ADGRG6: variants seen among roughly 807,000 people sequenced by gnomAD.
The protein encoded by ADGRG6 is adhesion G protein-coupled receptor G6.
A neutral mutation model predicts 142.4 loss-of-function variants in ADGRG6; 84 were observed. The ratio of observed to expected loss-of-function variants is 0.59; its 90% CI spans 0.49 to 0.71. The LOEUF (loss-of-function observed/expected upper bound fraction) is 0.71. ADGRG6 is among the 30% of genes least tolerant of loss of function. ADGRG6 has a pLI of 0.00. For synonymous variants in ADGRG6, 521 were observed against 520.5 expected (o/e 1.00, Z -0.01); for missense variants, 1,367 against 1,466.6 (o/e 0.93, Z 1.11).
intron 2 of ADGRG6, among the ~76,000 whole-genome samples, chr6:142,324,052 C>A (rs182457577): frequency 2.0e-5 from 3 of 152,202 alleles, no homozygotes; most frequent in Non-Finnish European, 4.4e-5. Flanking sequence ...CTCTTCCCTC[C>A]AGACTTCTTT....
At chr6:142,319,179 A>G (rs1378891424) in intron 2 of ADGRG6, among the ~76,000 whole-genome samples, 1 of 152,118 alleles carries the variant, frequency 6.6e-6, no homozygotes, top group East Asian at 1.9e-4. Context: ...AAACCTGGAG[A>G]TAGTAATAGC....
At chr6:142,364,152 G>A (rs990227871) in intron 2 of ADGRG6, among the ~76,000 whole-genome samples, 1 of 152,044 alleles carries the variant, frequency 6.6e-6, no homozygotes, top group East Asian at 1.9e-4. Flanking sequence ...AAAGATAGAG[G>A]TGGTAATAAT....
intron 20 of ADGRG6, 72 bp downstream of exon 20, chr6:142,416,136 C>G (rs1161051236): frequency 4.4e-6 from 5 of 1,143,462 alleles, no homozygotes; most frequent in Non-Finnish European, 6.2e-6. Context: ...AGGAAAAAAT[C>G]TTATTTAAAA....
At chr6:142,442,993 A>T (rs1254148466) in intron 24 of ADGRG6, among the ~76,000 whole-genome samples, 3 of 152,132 alleles carry the variant, frequency 2.0e-5, no homozygotes, top group Non-Finnish European at 4.4e-5. Flanking sequence ...AGCACATTCT[A>T]ATTCCTTATA....
At chr6:142,390,580 G>T (rs931620568) in intron 7 of ADGRG6, among the ~76,000 whole-genome samples, 7 of 151,810 alleles carry the variant, frequency 4.6e-5, no homozygotes, top group Admixed American at 2.6e-4. Context: ...GAAAAGTATC[G>T]CACAAATGGA....
At chr6:142,415,135 G>A (rs1389605820) in intron 19 of ADGRG6, 39 bp downstream of exon 19, 1 of 1,549,376 alleles carries the variant, frequency 6.5e-7, no homozygotes, top group South Asian at 1.2e-5. Context: ...ATTGCTAACT[G>A]TTCCAAATGT....
chr6:142,319,327 A>G (rs142812350), intron 2 of ADGRG6, among the ~76,000 whole-genome samples: 1 of 152,254 alleles, frequency 6.6e-6, no homozygotes, highest in East Asian at 1.9e-4. Context: ...TCCACTGGGT[A>G]TATTGTAAGA....
intron 6 of ADGRG6, among the ~76,000 whole-genome samples, chr6:142,384,166 T>A (rs907649361): frequency 3.3e-5 from 5 of 152,086 alleles, no homozygotes; most frequent in Non-Finnish European, 5.9e-5. Context: ...AAAAACGTAT[T>A]TCCATGGTAT....
chr6:142,413,067 T>C (rs962554), intron 18 of ADGRG6, among the ~76,000 whole-genome samples: 59,939 of 151,468 alleles, frequency 0.4, 13,531 homozygotes, highest in African/African-American at 0.62. Context: ...ATCATTCATG[T>C]TCTCTTTCCA....
chr6:142,389,967 TAAGAA>T (rs1774800052), intron 6 of ADGRG6, among the ~76,000 whole-genome samples: 1 of 151,792 alleles, frequency 6.6e-6, no homozygotes, highest in Non-Finnish European at 1.5e-5. Context: ...ACAGTAGATA[TAAGAA>T]ATCTATAGAA....
intron 12 of ADGRG6, 104 bp from the exon 13 acceptor site, chr6:142,402,516 T>G (rs1360085981): frequency 1.6e-6 from 1 of 642,162 alleles, no homozygotes; most frequent in African/African-American, 1.8e-5. Context: ...CTCACTTTCT[T>G]GCTTCAACTG....
chr6:142,440,839 TATC>T, intron 24 of ADGRG6: 1 of 787,588 alleles, frequency 1.3e-6, no homozygotes, highest in Non-Finnish European at 2.1e-6. Context: ...CGTCACTGCA[TATC>T]ATCATGGATA....
intron 2 of ADGRG6, among the ~76,000 whole-genome samples, chr6:142,358,336 A>G (rs977386736): frequency 1.3e-5 from 2 of 152,174 alleles, no homozygotes; most frequent in Admixed American, 1.3e-4. Context: ...TCAAAATGAG[A>G]CAAATTTTTG....
chr6:142,390,228 T>C lies in ADGRG6; in HGVS notation c.1223-30T>C. On this transcript the variant is annotated intron_variant, in intron 6 of 24. Transcript: ENST00000367609. ...AATTATATAACTATAAACATATAAT[T>C]AATGGACTAATCCTATTTCCAATGG... The C allele has an allele frequency of 2.7e-6, 3 of 1,091,114 alleles. No homozygotes were observed. The East Asian group carries it at 7.3e-5, about 26-fold the overall frequency. 67.6% of individuals were successfully genotyped at this position (1,091,114 alleles called of 1,614,324 possible). A position where few individuals can be genotyped will look rare whatever the true frequency, so the allele number is the denominator to read the frequency against.
At chr6:142,310,486 A>G (rs1261354986) in intron 2 of ADGRG6, among the ~76,000 whole-genome samples, 1 of 151,644 alleles carries the variant, frequency 6.6e-6, no homozygotes, top group African/African-American at 2.4e-5. Context: ...TTATGTATTT[A>G]TTACTTGGAA....
Position 142,371,949 on chromosome 6 carries a change from A to C in ADGRG6, c.1069+1156A>C, listed in dbSNP as rs116226711. Among the ~76,000 whole-genome samples, 1,153 of 152,338 alleles carry C rather than the reference A, an allele frequency of 7.6e-3. 11 individuals carry two copies. Among genetic ancestry groups the C allele is most frequent in the African/African-American group, 0.026 (1,099 of 41,582 alleles). Reference sequence around the variant, plus strand: ...AACTGTCCATTTTATAGAAAATCTTAATCAGGAATTATCCATTTTTTTCTT... The same window carrying C: ...AACTGTCCATTTTATAGAAAATCTTCATCAGGAATTATCCATTTTTTTCTT... On this transcript the variant is annotated intron_variant, in intron 4 of 24. Coordinates refer to ENST00000367609, the MANE Select transcript of ADGRG6 (RefSeq NM_198569.3).
rs762220868 is a variant in ADGRG6, at chr6:142,417,320, A to G, written c.2986A>G (p.Asn996Asp). 3 of 1,606,422 alleles carry G rather than the reference A, an allele frequency of 1.9e-6. No individual in the cohort carries two copies. In the South Asian group the frequency reaches 3.3e-5, roughly 18 times the overall value. The change falls in exon 21 of 25, where the codon AAT becomes GAT. Residue 996 changes from asparagine to aspartate, a missense_variant. This residue lies in a region of ADGRG6 where 344 missense variants were observed against 348.7 expected (regional missense o/e 0.99). Coordinates refer to ENST00000367609, the MANE Select transcript of ADGRG6 (RefSeq NM_198569.3). ...VSVVLASRNN[N>D]EVYGKESYGK... ...AGTTGTTCTAGCGAGCAGAAACAAC[A>G]ATGAAGTCTATGGAAAAGAAAGTTA...
chr6:142,356,683 C>T (rs911029060), intron 2 of ADGRG6, among the ~76,000 whole-genome samples: 1 of 62,740 alleles, frequency 1.6e-5, no homozygotes, highest in Non-Finnish European at 3.4e-5. Context: ...GCTTTAGAGC[C>T]AAAAGGGATT....
intron 2 of ADGRG6, among the ~76,000 whole-genome samples, chr6:142,334,903 TAAAC>T (rs953173211): frequency 6.6e-6 from 1 of 152,178 alleles, no homozygotes; most frequent in African/African-American, 2.4e-5. Flanking sequence ...TAGAGGGAAA[TAAAC>T]AAAATATAAG....
Sources: gnomAD v4.1 joint callset for allele counts (sites outside exome capture counted in the v4.1 genomes callset) on GRCh38, gnomAD v4.1.1 for gene constraint, gnomAD v4.1.1 regional missense constraint, MANE v1.5 for transcripts, NCBI Gene and HGNC (gene_info 2026-07-23, HGNC 2026-07-21) for gene names.